Variants in FAM83G observed in about 807,000 individuals in gnomAD.
FAM83G encodes the protein scaffolding CK1 anchoring protein G.
A neutral mutation model predicts 61.5 loss-of-function variants in FAM83G; 38 were observed. The ratio of observed to expected loss-of-function variants is 0.62; its 90% confidence interval spans 0.48 to 0.81. The LOEUF (loss-of-function observed/expected upper bound fraction) is 0.81. Among genes scored for constraint, FAM83G ranks in the 30% least tolerant of loss-of-function variants. FAM83G has a pLI of 0.00. For missense variants in FAM83G, 989 were observed against 1,133.6 expected (o/e 0.87, Z 1.83); for synonymous variants, 470 against 476.1 (o/e 0.99, Z 0.17).
Position 19,004,295 on chromosome 17 carries a change from G to A in FAM83G, c.-128-126C>T. On this transcript the variant is annotated intron_variant, in intron 1 of 5. Transcript: ENST00000388995. This position sits in a 1 kb window ranked among gnomAD's most constrained non-coding sequence, Gnocchi z 5.4. ...ACGGGGCTGGGGCTGGGGCTGGGAAGATGAGGTGGGGGCACTGGACTGGGA... is the reference window on the plus strand; with the variant it reads ...ACGGGGCTGGGGCTGGGGCTGGGAAAATGAGGTGGGGGCACTGGACTGGGA... The A allele has an allele frequency of 2.1e-6, 1 of 484,508 alleles. No homozygotes were observed. The allele number at this position is 484,508 out of a possible 1,614,324, so 30.0% of individuals were successfully genotyped here.
intron 5 of FAM83G, chr17:18,977,214 G>C (rs974115051): frequency 6.3e-5 from 40 of 635,994 alleles, no homozygotes; most frequent in Non-Finnish European, 9.6e-5. Flanking sequence ...TGACCTCAAG[G>C]CTGTAAATGA....
Position 18,978,796 on chromosome 17 carries a change from G to A in FAM83G, c.870C>T (p.Gly290=). 1 of 1,612,984 alleles carries A rather than the reference G, an allele frequency of 6.2e-7. No homozygotes were observed. The highest frequency in any genetic ancestry group is 8.5e-7 in the Non-Finnish European group (1 of 1,180,024). Reference sequence around the variant, plus strand: ...GCCGGTCAAACATCTCCACCACCTGGCCAGACAGCACAGAGATCACATTCC... The same window carrying A: ...GCCGGTCAAACATCTCCACCACCTGACCAGACAGCACAGAGATCACATTCC... The part of the protein sequence containing the change: ...TDRNVISVLS[G]QVVEMFDRQF... Residue 290 remains glycine, a synonymous_variant, in exon 5 of 6, where the codon GGC becomes GGT. Coordinates refer to ENST00000388995, the MANE Select transcript of FAM83G (RefSeq NM_001039999.3).
chr17:19,004,271 C>CGGGGCT lies in FAM83G; in HGVS notation c.-128-108_-128-103dup, dbSNP rs562232904. ...GGAACTCAGGTGGGCGTGGGAAGGA[C>CGGGGCT]GGGGCTGGGGCTGGGGCTGGGAAGA... On this transcript the variant is annotated intron_variant, in intron 1 of 5. Coordinates refer to ENST00000388995, the MANE Select transcript of FAM83G (RefSeq NM_001039999.3). This position sits in a 1 kb window ranked among gnomAD's most constrained non-coding sequence, Gnocchi z 5.4. The CGGGGCT allele has an allele frequency of 4.9e-4, 192 of 389,652 alleles. No homozygotes were observed. The highest frequency in any genetic ancestry group is 3.5e-3 in the African/African-American group (148 of 42,368). 24.1% of individuals were successfully genotyped at this position (389,652 alleles called of 1,614,324 possible). A position where few individuals can be genotyped will look rare whatever the true frequency, so the allele number is the denominator to read the frequency against.
Position 18,978,418 on chromosome 17 carries a change from C to G in FAM83G, c.1248G>C (p.Glu416Asp). 1 of 1,593,674 alleles carries G rather than the reference C, an allele frequency of 6.3e-7. No homozygotes were observed. Among genetic ancestry groups the G allele is most frequent in the Non-Finnish European group, 8.5e-7 (1 of 1,170,086 alleles). The part of the protein sequence containing the change: ...NMFEYLPTWV[E>D]PDPEPGSDIL... The stretch of plus-strand genomic sequence containing the variant: ...TGTCGCTGCCAGGCTCCGGGTCTGG[C>G]TCCACCCACGTGGGCAGGTACTCAA... The change falls in exon 5 of 6, where the codon GAG becomes GAC. Residue 416 changes from glutamate (E) to aspartate (D), a missense_variant. Glu to Asp is a conservative substitution (Grantham distance 45). Coordinates refer to ENST00000388995, the MANE Select transcript of FAM83G (RefSeq NM_001039999.3).
chr17:18,969,472 T>TGGCGAGCGCTTGATGGTGAGG lies in FAM83G; in HGVS notation c.*1886_*1887insCCTCACCATCAAGCGCTCGCC. ...GCGGGGCTGTCCCCACAGCGAGCCC[T>TGGCGAGCGCTTGATGGTGAGG]TTGGAGTCTGGCACTGCCCGGCACT... On this transcript the variant is annotated 3_prime_UTR_variant, in exon 6 of 6. Coordinates refer to ENST00000388995, the MANE Select transcript of FAM83G (RefSeq NM_001039999.3). The TGGCGAGCGCTTGATGGTGAGG allele has an allele frequency of 6.4e-7, 1 of 1,557,066 alleles. No homozygotes were observed. The highest frequency in any genetic ancestry group is 8.8e-7 in the Non-Finnish European group (1 of 1,131,128).
chr17:18,991,578 C>T (rs534423334), intron 2 of FAM83G, among the ~76,000 whole-genome samples: 519 of 152,274 alleles, frequency 3.4e-3, no homozygotes, highest in Middle Eastern at 6.8e-3. Flanking sequence ...GGGCAGGAGG[C>T]GGGTGGCCTG....
chr17:18,995,222 T>G (rs2043533492), intron 2 of FAM83G, among the ~76,000 whole-genome samples: 1 of 152,102 alleles, frequency 6.6e-6, no homozygotes, highest in Admixed American at 6.6e-5. Flanking sequence ...AACTGGCAGA[T>G]AAAGACATAA....
Position 18,970,606 on chromosome 17 carries a change from A to C in FAM83G, c.*753T>G. 4.0e-6 allele frequency: 1 copy of C among 246,952 alleles called. No homozygotes were observed. The highest frequency in any genetic ancestry group is 5.3e-5 in the South Asian group (1 of 18,918). The allele number at this position is 246,952 out of a possible 1,614,324, so 15.3% of individuals were successfully genotyped here. ...TCACACCCTTCAGGTGATCAGGATGAACACTTTAGAAGCCTCAGGAAGGTC... is the reference window on the plus strand; with the variant it reads ...TCACACCCTTCAGGTGATCAGGATGCACACTTTAGAAGCCTCAGGAAGGTC... On this transcript the variant is annotated 3_prime_UTR_variant, in exon 6 of 6. Transcript: ENST00000388995.
chr17:18,968,870 G>A lies in FAM83G; in HGVS notation c.*2489C>T, dbSNP rs576959646. The A allele has an allele frequency of 2.5e-5, 15 of 594,180 alleles. No homozygotes were observed. The highest frequency in any genetic ancestry group is 1.3e-4 in the African/African-American group (7 of 53,504). 36.8% of individuals were successfully genotyped at this position (594,180 alleles called of 1,614,324 possible). On this transcript the variant is annotated 3_prime_UTR_variant, in exon 6 of 6. Transcript: ENST00000388995. This position sits in a 1 kb window ranked among gnomAD's most constrained non-coding sequence, Gnocchi z 4.1. ...CATCCGCACAAGCTTGTAGCTCCACGGCCAGGTCTTCCCCCAACCTCACAA... is the reference window on the plus strand; with the variant it reads ...CATCCGCACAAGCTTGTAGCTCCACAGCCAGGTCTTCCCCCAACCTCACAA...
Position 18,970,874 on chromosome 17 carries a change from AACAC to A in FAM83G, c.*481_*484del, listed in dbSNP as rs1257288007. 1 of 722,522 alleles carries A rather than the reference AACAC, an allele frequency of 1.4e-6. No individual in the cohort carries two copies. The highest frequency in any genetic ancestry group is 2.3e-6 in the Non-Finnish European group (1 of 428,158). 44.8% of individuals were successfully genotyped at this position (722,522 alleles called of 1,614,324 possible). A position where few individuals can be genotyped will look rare whatever the true frequency, so the allele number is the denominator to read the frequency against. On this transcript the variant is annotated 3_prime_UTR_variant, in exon 6 of 6. Transcript: ENST00000388995. Reference sequence around the variant, plus strand: ...AACCCTCTACCCTCACACCTTTCCAAACACTGGGAAAGATGAGGTGGAAAAAACT... The same window carrying A: ...AACCCTCTACCCTCACACCTTTCCAATGGGAAAGATGAGGTGGAAAAAACT...
chr17:19,001,905 G>T (rs1474702923), intron 2 of FAM83G, among the ~76,000 whole-genome samples: 2 of 152,164 alleles, frequency 1.3e-5, no homozygotes, highest in African/African-American at 2.4e-5. Flanking sequence ...GGCACAGCAG[G>T]TCCCCCTACC....
chr17:18,976,563 T>G, intron 5 of FAM83G: 1 of 383,708 alleles, frequency 2.6e-6, no homozygotes, highest in Non-Finnish European at 4.7e-6. Context: ...GCCCTGACAA[T>G]TGCCAGGGGT....
At position 18,969,238 on chromosome 17, in the gene FAM83G, G is replaced by A; in HGVS notation, c.*2121C>T. ...GCCACCTCCCCCTACAGGCCCGAGG[G>A]AGCAGCCCAGGAAGTGGCCCCAGCA... is the stretch of plus-strand genomic sequence containing the variant. On this transcript the variant is annotated 3_prime_UTR_variant, in exon 6 of 6. Transcript: ENST00000388995. 3 of 1,578,494 alleles carry A rather than the reference G, an allele frequency of 1.9e-6. No homozygotes were observed. The highest frequency in any genetic ancestry group is 2.2e-5 in the East Asian group (1 of 44,552).
At chr17:18,980,285 G>A (rs1218587002) in intron 3 of FAM83G, among the ~76,000 whole-genome samples, 1 of 152,142 alleles carries the variant, frequency 6.6e-6, no homozygotes, top group Admixed American at 6.5e-5. Context: ...CCCATGGCCA[G>A]GACACCACCC....
rs764395974 is a variant in FAM83G at position 18,971,525 on chromosome 17, G to A, written c.2306C>T (p.Pro769Leu). The change falls in exon 6 of 6, where the codon CCC becomes CTC. Residue 769 changes from proline to leucine, a missense_variant. Coordinates refer to ENST00000388995, the MANE Select transcript of FAM83G (RefSeq NM_001039999.3). The surrounding 1 kb of genome is among the most constrained non-coding windows in gnomAD (Gnocchi z 5.5). ...CTCGGTGGCCCTGCCATCGGTCATG[G>A]GGCGGGCATTTTGGGCCAGTCTTGG... Reference protein sequence around the residue: ...GSPRLAQNARPMTDGRATEEH... With the variant: ...GSPRLAQNARLMTDGRATEEH... 3 of 1,613,902 alleles carry A rather than the reference G, an allele frequency of 1.9e-6. No homozygotes were observed. Among genetic ancestry groups the A allele is most frequent in the Admixed American group, 3.3e-5 (2 of 60,010 alleles).
At chr17:18,989,926 G>A (rs1037146137) in intron 2 of FAM83G, among the ~76,000 whole-genome samples, 1 of 152,210 alleles carries the variant, frequency 6.6e-6, no homozygotes, top group South Asian at 2.1e-4. Context: ...GTTTAGTCTC[G>A]GAGAGCCTGG....
chr17:18,989,616 C>T (rs2152130732), intron 2 of FAM83G, among the ~76,000 whole-genome samples: 1 of 152,368 alleles, frequency 6.6e-6, no homozygotes, highest in Middle Eastern at 3.4e-3. Flanking sequence ...ATGGAGCACA[C>T]CTGAATACCG....
In FAM83G at chr17:18,974,493, G is replaced by C. The variant is rs73981262; in HGVS notation, c.2083-2745C>G. On this transcript the variant is annotated intron_variant, in intron 5 of 5. Transcript: ENST00000388995. ...TGTCTGTGAAACAGGGCAGTGCACA[G>C]ACCAGAAGGCCTCCCAGGGTCCTGC... Among the ~76,000 whole-genome samples the C allele has an allele frequency of 8.4e-3, 1,278 of 152,370 alleles. 13 individuals are homozygous for C. Among genetic ancestry groups the C allele is most frequent in the African/African-American group, 0.029 (1,226 of 41,596 alleles).
chr17:18,990,351 G>T (rs2152131455), intron 2 of FAM83G, among the ~76,000 whole-genome samples: 1 of 152,302 alleles, frequency 6.6e-6, no homozygotes, highest in East Asian at 1.9e-4. Context: ...TGTGGTGGTA[G>T]CAGGGTCCTC....
Sources: gnomAD v4.1 joint callset for allele counts (sites outside exome capture counted in the v4.1 genomes callset) on GRCh38, gnomAD v4.1.1 for gene constraint, Gnocchi (gnomAD v3.1) non-coding constraint, MANE v1.5 for transcripts, NCBI Gene and HGNC (gene_info 2026-07-23, HGNC 2026-07-21) for gene names.